The following ABCA8 variants were observed in gnomAD, a reference collection of about 807,000 sequenced individuals.
ABCA8 encodes the protein ABC-type organic anion transporter ABCA8.
A neutral mutation model predicts 192.3 loss-of-function variants in ABCA8; 177 were observed. The ratio of observed to expected loss-of-function variants is 0.92; its 90% confidence interval spans 0.81 to 1.04. ABCA8 has a LOEUF of 1.04. Among genes scored for constraint, ABCA8 ranks in the 50% least tolerant of loss-of-function variants. The pLI is 0.00. For synonymous variants in ABCA8, 642 were observed against 690.2 expected, an observed-to-expected ratio of 0.93 and a Z score of 1.09; for missense variants, 1,915 against 1,904.8, an observed-to-expected ratio of 1.01 and a Z score of -0.10.
At chr17:68,953,449 C>T (rs2068623591) in intron 1 of ABCA8, among the ~76,000 whole-genome samples, 1 of 152,084 alleles carries the variant, frequency 6.6e-6, no homozygotes, top group East Asian at 1.9e-4. Flanking sequence ...CTTTCTAGAG[C>T]CAAATCTCAA....
intron 2 of ABCA8, chr17:68,944,880 A>AG (rs1157615112): frequency 6.6e-6 from 1 of 152,272 alleles, no homozygotes; most frequent in Non-Finnish European, 1.5e-5. Flanking sequence ...ACGCTCTCAC[A>AG]GGTCCAGAAC....
At chr17:68,882,074 G>T in intron 30 of ABCA8, 94 bp from the exon 31 acceptor site, 1 of 1,047,276 alleles carries the variant, frequency 9.5e-7, no homozygotes, top group Non-Finnish European at 1.4e-6. Flanking sequence ...ACCCTTTGTT[G>T]CCCCAGCCAT....
chr17:68,899,925 C>T lies in ABCA8; in HGVS notation c.2764+2788G>A, dbSNP rs78863700. Among the ~76,000 whole-genome samples, 1,076 of 152,002 alleles carry T rather than the reference C, an allele frequency of 7.1e-3. 28 individuals are homozygous for T. Among genetic ancestry groups the T allele is most frequent in the East Asian group, 0.066 (343 of 5,176 alleles). On this transcript the variant is annotated intron_variant, in intron 21 of 39. Transcript: ENST00000586539. ...AAATGAAAATTAAAACATGATATAC[C>T]GAAACTTATGCTATGCAGCGAAAGC...
intron 29 of ABCA8, among the ~76,000 whole-genome samples, chr17:68,883,310 T>A (rs1484097748): frequency 6.6e-6 from 1 of 152,212 alleles, no homozygotes; most frequent in Admixed American, 6.5e-5. Context: ...GGGAGCAAGA[T>A]GCTTATGGTC....
At position 68,937,011 on chromosome 17, in the gene ABCA8, G is replaced by T. The variant is rs1486354785; in HGVS notation, c.406C>A (p.His136Asn). The T allele has an allele frequency of 6.8e-6, 11 of 1,609,532 alleles. No homozygotes were observed. Among genetic ancestry groups the T allele is most frequent in the Non-Finnish European group, 9.3e-6 (11 of 1,178,208 alleles). Residue 136 changes from histidine (H) to asparagine (N), a missense_variant, in exon 5 of 40, where the codon CAT (histidine) becomes AAT (asparagine). Coordinates refer to ENST00000586539, the MANE Select transcript of ABCA8 (RefSeq NM_001288985.2). Reference protein sequence around the residue: ...RVTFTNTYSYHLKFLLGHGMP... With the variant: ...RVTFTNTYSYNLKFLLGHGMP... ...CCATGTCCTAGCAAGAACTTCAAAT[G>T]ATATGAGTATGTATTAGTAAAGGTG... is the stretch of plus-strand genomic sequence containing the variant.
At chr17:68,887,906 A>ATATATATATATATATATG (rs370830810) in intron 24 of ABCA8, among the ~76,000 whole-genome samples, 1 of 60,874 alleles carries the variant, frequency 1.6e-5, no homozygotes, top group African/African-American at 9.5e-5. Flanking sequence ...ATATATATAT[A>ATATATATATATATATATG]TCCATATATA....
In ABCA8 at chr17:68,924,550, C is replaced by T. The variant is rs1400219461; in HGVS notation, c.1442+151G>A. 3.6e-6 allele frequency: 3 copies of T among 828,878 alleles called. No individual in the cohort carries two copies. The African/African-American group carries it at 5.2e-5, about 14-fold the overall frequency. The allele number at this position is 828,878 out of a possible 1,614,324, so 51.3% of individuals were successfully genotyped here. On this transcript the variant is annotated intron_variant, in intron 11 of 39. Coordinates refer to ENST00000586539, the MANE Select transcript of ABCA8 (RefSeq NM_001288985.2). ...GTAAGGGGTTGGTAAAGGGATCTTT[C>T]TTTGAACTTGAGATGGAAAGTGACA...
rs148185577 is a variant in ABCA8, at chr17:68,878,099, G to A, written c.4039-420C>T. On this transcript the variant is annotated intron_variant, in intron 32 of 39. Transcript: ENST00000586539. ...CGGAGGGTGGAATAACTAGTGCTTCGTTATCTGGAGTTTTCATTCTACTGA... is the reference window on the plus strand; with the variant it reads ...CGGAGGGTGGAATAACTAGTGCTTCATTATCTGGAGTTTTCATTCTACTGA... The A allele has an allele frequency of 4.6e-3, 711 of 155,606 alleles. 10 individuals are homozygous for A. Among genetic ancestry groups the A allele is most frequent in the African/African-American group, 0.016 (654 of 41,678 alleles). 9.6% of individuals were successfully genotyped at this position (155,606 alleles called of 1,614,324 possible).
In ABCA8 at chr17:68,868,039, T is replaced by C; in HGVS notation, c.*46A>G. On this transcript the variant is annotated 3_prime_UTR_variant, in exon 40 of 40. Transcript: ENST00000586539. ...CATTGCTGCTATAAAAATAAATGTA[T>C]TTAAAAAAAACCACGGGTTTAAACA... The C allele has an allele frequency of 7.3e-7, 1 of 1,370,868 alleles. No homozygotes were observed. The highest frequency in any genetic ancestry group is 2.3e-5 in the East Asian group (1 of 43,082). The allele number at this position is 1,370,868 out of a possible 1,614,324, so 84.9% of individuals were successfully genotyped here. A position where few individuals can be genotyped will look rare whatever the true frequency, so the allele number is the denominator to read the frequency against.
chr17:68,932,132 C>T (rs9894209), intron 7 of ABCA8, 156 bp downstream of exon 7: 13,934 of 546,898 alleles, frequency 0.025, 1,490 homozygotes, highest in African/African-American at 0.23. Flanking sequence ...ATGGCGTGAA[C>T]CTGTGAGGCG....
intron 24 of ABCA8, among the ~76,000 whole-genome samples, chr17:68,887,915 T>TTATATATGG (rs1255145883): frequency 3.1e-4 from 14 of 45,068 alleles, no homozygotes; most frequent in Non-Finnish European, 3.9e-4. Flanking sequence ...TATCCATATA[T>TTATATATGG]ATATATATAT....
chr17:68,935,412 C>T (rs916814585), intron 5 of ABCA8, among the ~76,000 whole-genome samples: 2 of 151,120 alleles, frequency 1.3e-5, no homozygotes, highest in South Asian at 2.1e-4. Flanking sequence ...CCACCACGCC[C>T]GGCCACTTTA....
In ABCA8 at chr17:68,877,544, C is replaced by A. The variant is rs555787826; in HGVS notation, c.4174G>T (p.Gly1392Trp). The change falls in exon 33 of 40, where the codon GGG (glycine) becomes TGG (tryptophan). Residue 1392 changes from glycine (G) to tryptophan (W), a missense_variant. Physicochemically the swap from Gly to Trp is radical, Grantham distance 184. Transcript: ENST00000586539. ...VYAAVKGLRK[G>W]DAEVAITRLV... ...CGTGTGATGGCAACCTCAGCATCCCCTTTCCTCAGCCCTTTCACGGCGGCG... is the reference window on the plus strand; with the variant it reads ...CGTGTGATGGCAACCTCAGCATCCCATTTCCTCAGCCCTTTCACGGCGGCG... The A allele has an allele frequency of 1.8e-5, 29 of 1,613,876 alleles. 1 individual carries two copies. In the South Asian group the frequency reaches 3.0e-4, roughly 17 times the overall value.
intron 37 of ABCA8, among the ~76,000 whole-genome samples, chr17:68,873,314 G>A (rs964204145): frequency 6.6e-6 from 1 of 152,182 alleles, no homozygotes; most frequent in Non-Finnish European, 1.5e-5. Context: ...TATAGCCTAG[G>A]TTTGCAGTAA....
intron 16 of ABCA8, 44 bp downstream of exon 16, chr17:68,918,003 T>G: frequency 6.2e-7 from 1 of 1,604,532 alleles, no homozygotes; most frequent in Non-Finnish European, 8.5e-7. Context: ...TTTTTAGATC[T>G]CTTAAAGTCC....
In ABCA8 at chr17:68,886,971, T is replaced by A; in HGVS notation, c.3429+46A>T. The A allele has an allele frequency of 2.2e-6, 3 of 1,353,660 alleles. 1 individual carries two copies. Among genetic ancestry groups the A allele is most frequent in the South Asian group, 2.6e-5 (2 of 78,406 alleles). The allele number at this position is 1,353,660 out of a possible 1,614,324, so 83.9% of individuals were successfully genotyped here. On this transcript the variant is annotated intron_variant, in intron 26 of 39. Transcript: ENST00000586539. ...AAAATTTAAAGGATTAGCTCAGAAT[T>A]GTATATCAAATATATACAGTATACA...
intron 35 of ABCA8, among the ~76,000 whole-genome samples, chr17:68,876,011 AG>A (rs1348411740): frequency 3.3e-5 from 5 of 152,200 alleles, no homozygotes; most frequent in African/African-American, 1.2e-4. Context: ...CTTGTTTGTG[AG>A]AAGTCTGTGT....
Position 68,875,650 on chromosome 17 carries a change from C to T in ABCA8, c.4454G>A (p.Cys1485Tyr), listed in dbSNP as rs141023860. 8.1e-4 allele frequency: 1,303 copies of T among 1,614,202 alleles called. 4 individuals carry two copies. Among genetic ancestry groups the T allele is most frequent in the Non-Finnish European group, 1.1e-3 (1,259 of 1,180,034 alleles). The change falls in exon 36 of 40, where the codon TGT (cysteine) becomes TAT (tyrosine). Residue 1485 changes from cysteine (C) to tyrosine (Y), a missense_variant. Transcript: ENST00000586539. ...AGATACCATGATGGCCACTCGGTCA[C>T]ACACGGCCTCAGCCTCTGCCATGTA... ...THYMAEAEAVCDRVAIMVSGR... is the reference protein window; with the variant it reads ...THYMAEAEAVYDRVAIMVSGR...
intron 15 of ABCA8, 78 bp downstream of exon 15, chr17:68,918,349 C>T (rs992880958): frequency 8.6e-6 from 13 of 1,508,826 alleles, no homozygotes; most frequent in South Asian, 3.8e-5. Context: ...ATGTCCTTTG[C>T]GAATAAAATA....
Sources: gnomAD v4.1 joint callset for allele counts (sites outside exome capture counted in the v4.1 genomes callset) on GRCh38, gnomAD v4.1.1 for gene constraint, MANE v1.5 for transcripts, NCBI Gene and HGNC (gene_info 2026-07-23, HGNC 2026-07-21) for gene names.